The following VPS16 variants were observed in gnomAD, a reference collection of about 807,000 sequenced individuals.
The protein encoded by VPS16 is VPS16 core subunit of CORVET and HOPS complexes, also known as vacuolar protein sorting-associated protein 16 homolog.
A neutral mutation model predicts 116.0 loss-of-function variants in VPS16; 82 were observed. The ratio of observed to expected loss-of-function variants is 0.71; its 90% CI spans 0.59 to 0.85. The LOEUF (loss-of-function observed/expected upper bound fraction) is 0.85. VPS16 is among the 40% of genes least tolerant of loss of function. The pLI is 0.00. For missense variants in VPS16, 928 were observed against 1,090.6 expected (o/e 0.85, Z 2.10); for synonymous variants, 406 against 420.7 (o/e 0.96, Z 0.43).
At chr20:2,857,684 ATTTTTATTTTAATTT>A (rs1599992210) in intron 1 of VPS16, among the ~76,000 whole-genome samples, 4 of 151,686 alleles carry the variant, frequency 2.6e-5, no homozygotes, top group African/African-American at 9.7e-5. Context: ...TAATTTTTGC[ATTTTTATTTTAATTT>A]TATTTATTTG....
At chr20:2,841,356 C>T (rs2146632781) in intron 1 of VPS16, among the ~76,000 whole-genome samples, 1 of 152,328 alleles carries the variant, frequency 6.6e-6, no homozygotes, top group East Asian at 1.9e-4. Context: ...CCCGTTACAT[C>T]GTTACCCAGA....
chr20:2,861,702 C>A lies in VPS16; in HGVS notation c.897C>A (p.Ile299=), dbSNP rs1478624130. 1 of 1,613,058 alleles carries A rather than the reference C, an allele frequency of 6.2e-7. No homozygotes were observed. The highest frequency in any genetic ancestry group is 1.1e-5 in the South Asian group (1 of 90,782). Residue 299 remains isoleucine (I), a splice_region_variant and synonymous_variant, in exon 9 of 24, where the codon ATC becomes ATA. Transcript: ENST00000380445. ...TGGTGGGCGATGCACCCGAGAGCAT[C>A]CAGTATCCTTGGAGGGCTGCCTGTG... ...LMVVGDAPES[I]QFVLDEDSYL...
In VPS16 at chr20:2,863,064, G is replaced by T. The variant is rs373116713; in HGVS notation, c.1332-1G>T. On this transcript the variant is annotated splice_acceptor_variant, in intron 13 of 23. Transcript: ENST00000380445. LOFTEE classifies it high-confidence loss of function. The surrounding 1 kb of genome is among the most constrained non-coding windows in gnomAD (Gnocchi z 4.4). Reference sequence around the variant, plus strand: ...TGGATCCTTAACCGAGGAAAATACAGATATAAGCAGCTCACCATCCAGGTG... The same window carrying T: ...TGGATCCTTAACCGAGGAAAATACATATATAAGCAGCTCACCATCCAGGTG... 18 of 1,613,984 alleles carry T rather than the reference G, an allele frequency of 1.1e-5. No homozygotes were observed. The highest frequency in any genetic ancestry group is 1.6e-4 in the Middle Eastern group (1 of 6,084).
Position 2,864,284 on chromosome 20 carries a change from C to G in VPS16, c.1717C>G (p.Leu573Val). ...SKAIESGDTD[L>V]VFTVLLHLKN... ...GGCCATCGAGAGCGGGGACACTGAC[C>G]TGGGTGAGGGCAAGGCTGGGGGGCC... is the stretch of plus-strand genomic sequence containing the variant. Residue 573 changes from leucine (L) to valine (V), a missense_variant, in exon 17 of 24, where the codon CTG (leucine) becomes GTG (valine). Physicochemically the swap from Leu to Val is conservative, Grantham distance 32. Coordinates refer to ENST00000380445, the MANE Select transcript of VPS16 (RefSeq NM_022575.4). This position sits in a 1 kb window ranked among gnomAD's most constrained non-coding sequence, Gnocchi z 5.2. 2 of 1,614,192 alleles carry G rather than the reference C, an allele frequency of 1.2e-6. No individual in the cohort carries two copies. Among genetic ancestry groups the G allele is most frequent in the Non-Finnish European group, 1.7e-6 (2 of 1,180,024 alleles).
In VPS16 at chr20:2,864,922, A is replaced by G; in HGVS notation, c.1927-56A>G. Reference sequence around the variant, plus strand: ...GGGGGAGAAGACTGTAGCCTGGGTGAGGAGGGCGAGGGTCCTGCATGCTGT... The same window carrying G: ...GGGGGAGAAGACTGTAGCCTGGGTGGGGAGGGCGAGGGTCCTGCATGCTGT... On this transcript the variant is annotated intron_variant, in intron 19 of 23. Coordinates refer to ENST00000380445, the MANE Select transcript of VPS16 (RefSeq NM_022575.4). The surrounding 1 kb of genome is among the most constrained non-coding windows in gnomAD (Gnocchi z 5.2). 2 of 1,608,628 alleles carry G rather than the reference A, an allele frequency of 1.2e-6. No homozygotes were observed. The highest frequency in any genetic ancestry group is 1.7e-6 in the Non-Finnish European group (2 of 1,175,812).
intron 2 of VPS16, 69 bp from the exon 3 acceptor site, chr20:2,859,985 G>T: frequency 1.3e-6 from 2 of 1,588,524 alleles, no homozygotes; most frequent in Non-Finnish European, 8.6e-7. Context: ...GGGGAGCCAG[G>T]ATGTGAGGCC....
chr20:2,855,249 C>T (rs990821983), intron 1 of VPS16, among the ~76,000 whole-genome samples: 2 of 151,268 alleles, frequency 1.3e-5, no homozygotes, highest in Admixed American at 6.6e-5. Context: ...TGAACCACCG[C>T]GCCTGGCCAA....
Position 2,861,324 on chromosome 20 carries a change from G to T in VPS16, c.809+44G>T, listed in dbSNP as rs765083085. On this transcript the variant is annotated intron_variant, in intron 8 of 23. Coordinates refer to ENST00000380445, the MANE Select transcript of VPS16 (RefSeq NM_022575.4). ...TTGCTGGGGGTGTGGGTGAGACATA[G>T]CTTGCTTCCTGGGACAATCAGTTCC... 5 of 1,612,882 alleles carry T rather than the reference G, an allele frequency of 3.1e-6. No homozygotes were observed. The Admixed American group carries it at 8.3e-5, about 27-fold the overall frequency.
intron 11 of VPS16, 174 bp from the exon 12 acceptor site, chr20:2,862,405 C>T (rs1373694043): frequency 6.6e-5 from 88 of 1,328,704 alleles, no homozygotes; most frequent in Admixed American, 1.1e-4. Flanking sequence ...TGGGCTGATA[C>T]GAGATGATGT....
rs1568627088 is a variant in VPS16, at chr20:2,860,438, C to T, written c.370-11C>T. On this transcript the variant is annotated splice_polypyrimidine_tract_variant and intron_variant, in intron 4 of 23. Coordinates refer to ENST00000380445, the MANE Select transcript of VPS16 (RefSeq NM_022575.4). This position sits in a 1 kb window ranked among gnomAD's most constrained non-coding sequence, Gnocchi z 6.1. ...CTGTGGCTCCCTTAACCCATGGCCC[C>T]CTTTCCTCAGGAAGTGCTCCAGAAC... The T allele has an allele frequency of 6.2e-7, 1 of 1,614,062 alleles. No individual in the cohort carries two copies. Among genetic ancestry groups the T allele is most frequent in the East Asian group, 2.2e-5 (1 of 44,874 alleles).
chr20:2,843,167 C>T (rs1185432991), intron 1 of VPS16, among the ~76,000 whole-genome samples: 1 of 152,008 alleles, frequency 6.6e-6, no homozygotes, highest in Non-Finnish European at 1.5e-5. Context: ...AGCGTGGTGG[C>T]TCACGCCTGT....
At chr20:2,847,696 C>T (rs1359400928) in intron 1 of VPS16, among the ~76,000 whole-genome samples, 1 of 152,062 alleles carries the variant, frequency 6.6e-6, no homozygotes, top group Non-Finnish European at 1.5e-5. Flanking sequence ...TAAGGATGGT[C>T]TTGATCTCCT....
At chr20:2,847,909 C>T (rs2089077863) in intron 1 of VPS16, among the ~76,000 whole-genome samples, 1 of 152,162 alleles carries the variant, frequency 6.6e-6, no homozygotes. Context: ...ACATGCAGAA[C>T]CCCCTTTTGT....
In VPS16 at chr20:2,862,644, C is replaced by G. The variant is rs778627113; in HGVS notation, c.1137C>G (p.Ala379=). The change falls in exon 12 of 24, where the codon GCC becomes GCG. Residue 379 remains alanine, a synonymous_variant. Coordinates refer to ENST00000380445, the MANE Select transcript of VPS16 (RefSeq NM_022575.4). ...AGGAGCTGGGCCAGCTGACCCAGGCCGTGCAGCAGTGCATTGAGGCTGCAG... is the reference window on the plus strand; with the variant it reads ...AGGAGCTGGGCCAGCTGACCCAGGCGGTGCAGCAGTGCATTGAGGCTGCAG... ...EIQELGQLTQ[A]VQQCIEAAGH... is the part of the protein sequence containing the mutation. The G allele has an allele frequency of 3.7e-6, 6 of 1,612,152 alleles. No homozygotes were observed. The South Asian group carries it at 6.6e-5, about 18-fold the overall frequency.
At chr20:2,848,793 G>A (rs1423797431) in intron 1 of VPS16, among the ~76,000 whole-genome samples, 1 of 152,104 alleles carries the variant, frequency 6.6e-6, no homozygotes, top group African/African-American at 2.4e-5. Context: ...GGTGGGTGCT[G>A]GAAAACACAT....
Position 2,864,641 on chromosome 20 carries a change from A to G in VPS16, c.1913A>G (p.Tyr638Cys), listed in dbSNP as rs1365522784. The change falls in exon 19 of 24, where the codon TAT becomes TGT. Residue 638 changes from tyrosine to cysteine, a missense_variant. Physicochemically the swap from Tyr to Cys is radical, Grantham distance 194. Coordinates refer to ENST00000380445, the MANE Select transcript of VPS16 (RefSeq NM_022575.4). The surrounding 1 kb of genome is among the most constrained non-coding windows in gnomAD (Gnocchi z 5.2). ...GGCAGCTTCCACATCCGAGCCAGCT[A>G]TGCTGCAGAAGAGGTCTGAGATCCA... ...ELGSFHIRAS[Y>C]AAEERIEGRV... The G allele has an allele frequency of 2.5e-6, 4 of 1,613,980 alleles. No homozygotes were observed. The highest frequency in any genetic ancestry group is 4.5e-5 in the East Asian group (2 of 44,892).
chr20:2,846,112 C>CTTT lies in VPS16; in HGVS notation c.53+5305_53+5307dup, dbSNP rs34440512. Among the ~76,000 whole-genome samples, 61 of 89,676 alleles carry CTTT rather than the reference C, an allele frequency of 6.8e-4. 1 individual carries two copies. The highest frequency in any genetic ancestry group is 9.2e-4 in the Non-Finnish European group (45 of 48,876). The allele number at this position is 89,676 out of a possible 152,430, so 58.8% of individuals were successfully genotyped here. Reference sequence around the variant, plus strand: ...TCTATTCAATATTTTCTGTACTCCGCTTTTTTTTTTTTTTTTTTTTTTGAG... The same window carrying CTTT: ...TCTATTCAATATTTTCTGTACTCCGCTTTTTTTTTTTTTTTTTTTTTTTTTGAG... On this transcript the variant is annotated intron_variant, in intron 1 of 23. Coordinates refer to ENST00000380445, the MANE Select transcript of VPS16 (RefSeq NM_022575.4).
intron 1 of VPS16, among the ~76,000 whole-genome samples, chr20:2,858,481 A>C (rs557269746): frequency 6.6e-6 from 1 of 152,096 alleles, no homozygotes; most frequent in African/African-American, 2.4e-5. Flanking sequence ...AAATATAAAC[A>C]TCTCTTTATT....
chr20:2,865,406 T>C lies in VPS16; in HGVS notation c.2182T>C (p.Trp728Arg), dbSNP rs61729229. 9,163 of 1,614,100 alleles carry C rather than the reference T, an allele frequency of 5.7e-3. 80 individuals carry two copies. Among genetic ancestry groups the C allele is most frequent in the Middle Eastern group, 0.027 (164 of 6,060 alleles). Residue 728 changes from tryptophan (W) to arginine (R), a missense_variant, in exon 22 of 24, where the codon TGG (tryptophan) becomes CGG (arginine). Physicochemically the swap from Trp to Arg is moderately radical, Grantham distance 101 (BLOSUM62 -3). Transcript: ENST00000380445. This position sits in a 1 kb window ranked among gnomAD's most constrained non-coding sequence, Gnocchi z 5.2. Reference protein sequence around the residue: ...DFRIPDKRLWWLKLTALADLE... With the variant: ...DFRIPDKRLWRLKLTALADLE... ...AGCCCAGCTTTCCTGCAGGCTCTGGTGGCTGAAGCTGACTGCCCTGGCAGA... is the reference window on the plus strand; with the variant it reads ...AGCCCAGCTTTCCTGCAGGCTCTGGCGGCTGAAGCTGACTGCCCTGGCAGA...
Sources: gnomAD v4.1 joint callset for allele counts (sites outside exome capture counted in the v4.1 genomes callset) on GRCh38, gnomAD v4.1.1 for gene constraint, Gnocchi (gnomAD v3.1) non-coding constraint, MANE v1.5 for transcripts, NCBI Gene and HGNC (gene_info 2026-07-23, HGNC 2026-07-21) for gene names.